The following EZH2 variants were observed in gnomAD, a reference collection of about 807,000 sequenced individuals.
EZH2 encodes enhancer of zeste 2 polycomb repressive complex 2 subunit, also known as histone-lysine N-methyltransferase EZH2.
In EZH2, 18 loss-of-function variants were observed where a neutral mutation model predicts 98.4. That is an observed-to-expected ratio of 0.18 (90% CI 0.13 to 0.27). EZH2 has a LOEUF of 0.27. Among genes scored for constraint, EZH2 ranks in the 10% least tolerant of loss-of-function variants. The pLI is 1.00. For synonymous variants in EZH2, 338 were observed against 312.3 expected (o/e 1.08, Z -0.87); for missense variants, 470 against 935.1 (o/e 0.50, Z 6.49).
intron 5 of EZH2, among the ~76,000 whole-genome samples, chr7:148,829,347 G>A (rs76559977): frequency 2.5e-3 from 375 of 152,184 alleles, no homozygotes; most frequent in Non-Finnish European, 4.0e-3. Context: ...CTAGAGGAGC[G>A]GTATTTTTTA....
chr7:148,853,983 C>T (rs1816336270), intron 1 of EZH2, among the ~76,000 whole-genome samples: 1 of 152,212 alleles, frequency 6.6e-6, no homozygotes, highest in Non-Finnish European at 1.5e-5. Flanking sequence ...GGTGGCCAGG[C>T]CACACAAGTC....
chr7:148,838,945 T>G (rs1811610456), intron 3 of EZH2, among the ~76,000 whole-genome samples: 1 of 152,006 alleles, frequency 6.6e-6, no homozygotes, highest in African/African-American at 2.4e-5. Context: ...CCAGCTGCTC[T>G]GGAGGCCAAG....
intron 3 of EZH2, among the ~76,000 whole-genome samples, chr7:148,834,729 C>G (rs1810425198): frequency 6.6e-6 from 1 of 152,146 alleles, no homozygotes; most frequent in African/African-American, 2.4e-5. Flanking sequence ...ACTCCAGAGC[C>G]CACAATCTTT....
intron 1 of EZH2, among the ~76,000 whole-genome samples, chr7:148,881,701 A>C (rs1009155561): frequency 8.5e-5 from 13 of 152,210 alleles, no homozygotes; most frequent in Admixed American, 7.2e-4. Context: ...TGGGAGGCGG[A>C]GGCGGGTACA....
chr7:148,816,396 A>G (rs1301044929), intron 12 of EZH2, among the ~76,000 whole-genome samples: 4 of 152,218 alleles, frequency 2.6e-5, no homozygotes, highest in Non-Finnish European at 5.9e-5. Flanking sequence ...TGTTTACGTA[A>G]CCTTTACTGC....
intron 3 of EZH2, among the ~76,000 whole-genome samples, chr7:148,833,945 T>C (rs1023707510): frequency 1.3e-5 from 2 of 152,174 alleles, no homozygotes; most frequent in Admixed American, 6.5e-5. Context: ...TCAGTGCACA[T>C]AGTCCCTTGA....
intron 1 of EZH2, among the ~76,000 whole-genome samples, chr7:148,882,154 C>G (rs1423904008): frequency 1.3e-5 from 2 of 151,990 alleles, no homozygotes; most frequent in Non-Finnish European, 2.9e-5. Flanking sequence ...ACACTTAGAC[C>G]AGCACCTGGA....
chr7:148,819,565 C>A, intron 9 of EZH2, 31 bp downstream of exon 9: 1 of 1,575,194 alleles, frequency 6.3e-7, no homozygotes, highest in Non-Finnish European at 8.7e-7. Context: ...CTCTCAAGTA[C>A]CCTCTGCAAT....
intron 1 of EZH2, among the ~76,000 whole-genome samples, chr7:148,871,403 TAA>T (rs71529646): frequency 7.3e-4 from 65 of 88,722 alleles, no homozygotes; most frequent in African/African-American, 2.0e-3. Context: ...GACGAATAAT[TAA>T]AAAAAAAAAA....
At chr7:148,878,433 T>C (rs758949136) in intron 1 of EZH2, among the ~76,000 whole-genome samples, 11 of 152,254 alleles carry the variant, frequency 7.2e-5, no homozygotes, top group Non-Finnish European at 1.6e-4. Flanking sequence ...GCTCCATCCA[T>C]GTATCAGAAT....
In EZH2 at chr7:148,815,558, CAAAG is replaced by C. The variant is rs569536054; in HGVS notation, c.1506-16_1506-13del. ...GTGCAGCCCACAACCTGCAAAAACACAAAGAAAATTAAACCAAATTTCTGCGGGA... is the reference window on the plus strand; with the variant it reads ...GTGCAGCCCACAACCTGCAAAAACACAAAATTAAACCAAATTTCTGCGGGA... On this transcript the variant is annotated splice_polypyrimidine_tract_variant and intron_variant, in intron 12 of 19. Coordinates refer to ENST00000320356, the MANE Select transcript of EZH2 (RefSeq NM_004456.5). The C allele has an allele frequency of 7.9e-5, 127 of 1,613,868 alleles. No individual in the cohort carries two copies. The highest frequency in any genetic ancestry group is 9.7e-5 in the Non-Finnish European group (115 of 1,179,852).
intron 3 of EZH2, among the ~76,000 whole-genome samples, chr7:148,835,159 C>A (rs1036395777): frequency 6.6e-6 from 1 of 152,136 alleles, no homozygotes; most frequent in Non-Finnish European, 1.5e-5. Flanking sequence ...GTGGCTCAAG[C>A]GTATAATCTC....
intron 1 of EZH2, among the ~76,000 whole-genome samples, chr7:148,874,859 C>G (rs1225180491): frequency 1.3e-5 from 2 of 149,802 alleles, no homozygotes; most frequent in Non-Finnish European, 3.0e-5. Flanking sequence ...ATCGCGCCAC[C>G]GCACTCCAGC....
chr7:148,879,658 C>A (rs1380176232), intron 1 of EZH2, among the ~76,000 whole-genome samples: 1 of 151,916 alleles, frequency 6.6e-6, no homozygotes, highest in East Asian at 1.9e-4. Flanking sequence ...CCACTGCACT[C>A]CAGTCTAGGT....
At chr7:148,866,518 GTGTATATACATATATATA>G (rs1563063087) in intron 1 of EZH2, among the ~76,000 whole-genome samples, 3 of 67,476 alleles carry the variant, frequency 4.4e-5, no homozygotes, top group Non-Finnish European at 7.2e-5. Flanking sequence ...ACATATATAT[GTGTATATACATATATATA>G]CGTATATACA....
chr7:148,837,343 C>A (rs1343349543), intron 3 of EZH2, among the ~76,000 whole-genome samples: 1 of 152,126 alleles, frequency 6.6e-6, no homozygotes, highest in Non-Finnish European at 1.5e-5. Flanking sequence ...TTCCATGTGA[C>A]AACAGCGAGG....
At chr7:148,829,588 G>T in intron 5 of EZH2, 140 bp downstream of exon 5, 1 of 833,432 alleles carries the variant, frequency 1.2e-6, no homozygotes, top group Non-Finnish European at 1.8e-6. Context: ...TTAGGCCTGG[G>T]CCCAGGTTCA....
At chr7:148,814,845 A>G (rs1804133615) in intron 14 of EZH2, 69 bp downstream of exon 14, 2 of 1,537,834 alleles carry the variant, frequency 1.3e-6, no homozygotes, top group African/African-American at 2.8e-5. Context: ...CTTATTTTTG[A>G]TTTTTTAAAT....
chr7:148,816,032 A>G (rs1804456432), intron 12 of EZH2, among the ~76,000 whole-genome samples: 1 of 152,248 alleles, frequency 6.6e-6, no homozygotes, highest in South Asian at 2.1e-4. Flanking sequence ...TGTTAAAGTA[A>G]GAAAATGTAA....
Sources: gnomAD v4.1 joint callset for allele counts (sites outside exome capture counted in the v4.1 genomes callset) on GRCh38, gnomAD v4.1.1 for gene constraint, MANE v1.5 for transcripts, NCBI Gene and HGNC (gene_info 2026-07-23, HGNC 2026-07-21) for gene names.